Variants in LRRC28 observed in about 807,000 individuals in gnomAD.
The protein encoded by LRRC28 is leucine-rich repeat-containing protein 28.
Under a neutral mutation model 45.7 loss-of-function variants are expected in LRRC28, and 39 were observed. The ratio of observed to expected loss-of-function variants is 0.85; its 90% CI spans 0.66 to 1.12. The LOEUF (loss-of-function observed/expected upper bound fraction) is 1.12. Ranked by LOEUF, LRRC28 falls within the 50% of genes most tolerant of loss-of-function variation. LRRC28 has a pLI of 0.00. For synonymous variants in LRRC28, 206 were observed against 178.8 expected, an observed-to-expected ratio of 1.15 and a Z score of -1.22; for missense variants, 435 against 438.5, an observed-to-expected ratio of 0.99 and a Z score of 0.07.
At chr15:99,303,945 A>G (rs1452797595) in intron 5 of LRRC28, among the ~76,000 whole-genome samples, 1 of 152,200 alleles carries the variant, frequency 6.6e-6, no homozygotes, top group Non-Finnish European at 1.5e-5. Context: ...GTGTTTATAA[A>G]CAAGAATTGT....
At chr15:99,369,044 T>C (rs1957412678) in intron 9 of LRRC28, among the ~76,000 whole-genome samples, 1 of 152,240 alleles carries the variant, frequency 6.6e-6, no homozygotes, top group Non-Finnish European at 1.5e-5. Flanking sequence ...TTTGCTACTT[T>C]ATAACAAGGA....
chr15:99,296,493 C>A (rs2082266677), intron 5 of LRRC28, among the ~76,000 whole-genome samples: 1 of 152,228 alleles, frequency 6.6e-6, no homozygotes, highest in Non-Finnish European at 1.5e-5. Context: ...CAGCTTTTCA[C>A]TGATTACACA....
intron 6 of LRRC28, among the ~76,000 whole-genome samples, chr15:99,343,191 G>T (rs970223505): frequency 1.3e-5 from 2 of 152,130 alleles, no homozygotes; most frequent in African/African-American, 4.8e-5. Context: ...TTGATTGATT[G>T]CTTTGATGTT....
intron 1 of LRRC28, 73 bp from the exon 2 acceptor site, chr15:99,255,825 T>G (rs2081000382): frequency 1.2e-6 from 1 of 857,626 alleles, no homozygotes; most frequent in South Asian, 2.2e-5. Flanking sequence ...AGTGGCTCTG[T>G]GTGCTAACTG....
intron 6 of LRRC28, among the ~76,000 whole-genome samples, chr15:99,340,647 G>A (rs1237546338): frequency 2.0e-5 from 3 of 152,208 alleles, no homozygotes. Context: ...TGCAGAATTT[G>A]TGGCCTTAAG....
At position 99,386,398 on chromosome 15, in the gene LRRC28, G is replaced by A. The variant is rs377694841; in HGVS notation, c.*296G>A. 4 of 304,592 alleles carry A rather than the reference G, an allele frequency of 1.3e-5. No homozygotes were observed. Among genetic ancestry groups the A allele is most frequent in the African/African-American group, 4.3e-5 (2 of 46,738 alleles). The allele number at this position is 304,592 out of a possible 1,614,324, so 18.9% of individuals were successfully genotyped here. ...CAAATCTAATTTAAAGCAAGTTTCC[G>A]GTCCTTGGAGAACAGTGACTTGATC... On this transcript the variant is annotated 3_prime_UTR_variant, in exon 10 of 10. Transcript: ENST00000301981.
At chr15:99,382,065 C>T (rs1018262088) in intron 9 of LRRC28, among the ~76,000 whole-genome samples, 5 of 152,246 alleles carry the variant, frequency 3.3e-5, no homozygotes, top group African/African-American at 9.6e-5. Flanking sequence ...AGCTGTCAGA[C>T]AGGGACATTT....
At chr15:99,304,313 T>C (rs1393627753) in intron 5 of LRRC28, among the ~76,000 whole-genome samples, 1 of 152,230 alleles carries the variant, frequency 6.6e-6, no homozygotes, top group Non-Finnish European at 1.5e-5. Flanking sequence ...GATATATGAT[T>C]TGCAAATATT....
chr15:99,255,645 CTA>C (rs2080994752), intron 1 of LRRC28, among the ~76,000 whole-genome samples: 14 of 152,036 alleles, frequency 9.2e-5, no homozygotes, highest in Admixed American at 9.2e-4. Flanking sequence ...AGTGCAAAAA[CTA>C]TTTTTTTCCA....
intron 5 of LRRC28, among the ~76,000 whole-genome samples, chr15:99,318,207 T>G (rs528719299): frequency 6.6e-6 from 1 of 152,252 alleles, no homozygotes; most frequent in Non-Finnish European, 1.5e-5. Context: ...CATAAAAGCA[T>G]TATATATACA....
chr15:99,354,644 A>T (rs2152318905), intron 7 of LRRC28, among the ~76,000 whole-genome samples: 1 of 152,338 alleles, frequency 6.6e-6, no homozygotes, highest in South Asian at 2.1e-4. Flanking sequence ...CTGTACAGTG[A>T]TGAGCTAAGC....
At chr15:99,255,842 A>G in intron 1 of LRRC28, 56 bp from the exon 2 acceptor site, 2 of 1,131,866 alleles carry the variant, frequency 1.8e-6, no homozygotes, top group East Asian at 2.6e-5. Context: ...ACTGGTTTAT[A>G]TGGCAATTCT....
chr15:99,284,546 A>G (rs2152202058), intron 3 of LRRC28: 1 of 457,752 alleles, frequency 2.2e-6, no homozygotes, highest in Non-Finnish European at 4.4e-6. Context: ...AGTTCACAAA[A>G]CTGTTGTAAC....
chr15:99,361,549 A>G (rs371984699), intron 8 of LRRC28, 38 bp downstream of exon 8: 199 of 1,536,762 alleles, frequency 1.3e-4, no homozygotes, highest in Non-Finnish European at 1.7e-4. Flanking sequence ...TTTCTCTCTC[A>G]TTTAGTGAAC....
intron 5 of LRRC28, among the ~76,000 whole-genome samples, chr15:99,288,573 G>C (rs912392580): frequency 6.6e-6 from 1 of 151,710 alleles, no homozygotes; most frequent in African/African-American, 2.4e-5. Flanking sequence ...GTAGAGATAG[G>C]GTTTCACCAT....
intron 9 of LRRC28, among the ~76,000 whole-genome samples, chr15:99,371,247 A>G (rs1166988461): frequency 6.6e-6 from 1 of 152,198 alleles, no homozygotes; most frequent in Non-Finnish European, 1.5e-5. Flanking sequence ...ATCTACTGCC[A>G]GCCGGGTGCT....
intron 9 of LRRC28, among the ~76,000 whole-genome samples, chr15:99,377,507 A>G (rs969292644): frequency 1.1e-4 from 16 of 152,208 alleles, no homozygotes; most frequent in Non-Finnish European, 1.3e-4. Context: ...GTTCACTCTG[A>G]TGGTAGTTTC....
intron 5 of LRRC28, among the ~76,000 whole-genome samples, chr15:99,295,504 T>A (rs1376898020): frequency 6.6e-6 from 1 of 152,124 alleles, no homozygotes; most frequent in Non-Finnish European, 1.5e-5. Context: ...GTCCAATGGA[T>A]GTTTGAGGAG....
intron 1 of LRRC28, among the ~76,000 whole-genome samples, chr15:99,253,300 T>G (rs933342601): frequency 3.3e-5 from 5 of 152,176 alleles, no homozygotes; most frequent in Admixed American, 6.5e-5. Flanking sequence ...TTTGTATTTT[T>G]AGTAGAGATG....
Sources: allele counts gnomAD v4.1 joint callset (sites outside exome capture counted in the v4.1 genomes callset), GRCh38; gene constraint gnomAD v4.1.1; transcripts MANE v1.5; gene names NCBI Gene and HGNC (gene_info 2026-07-23, HGNC 2026-07-21).